Variants in CSMD1 observed in about 807,000 individuals in gnomAD.
CSMD1 encodes the protein CUB and Sushi multiple domains 1.
CSMD1 carries 213 observed loss-of-function variants against 417.5 expected under a neutral mutation model. That is an observed-to-expected ratio of 0.51 (90% CI 0.46 to 0.57). The LOEUF is 0.57. Ranked by LOEUF, CSMD1 falls within the 20% of genes least tolerant of loss-of-function variation. The pLI is 0.00. For synonymous variants in CSMD1, 2,862 were observed against 1,736.8 expected, an observed-to-expected ratio of 1.65 and a Z score of -16.11; for missense variants, 6,923 against 4,529.7, an observed-to-expected ratio of 1.53 and a Z score of -15.17.
At chr8:3,203,609 C>T (rs998324316) in intron 31 of CSMD1, among the ~76,000 whole-genome samples, 5 of 152,060 alleles carry the variant, frequency 3.3e-5, no homozygotes, top group South Asian at 4.1e-4. Flanking sequence ...GCTAACACTC[C>T]GTGGATAAAA....
chr8:4,035,211 T>G (rs1256090353), intron 3 of CSMD1, among the ~76,000 whole-genome samples: 1 of 152,168 alleles, frequency 6.6e-6, no homozygotes, highest in Non-Finnish European at 1.5e-5. Context: ...CCAGCTATGA[T>G]GCACGTGTCT....
At chr8:3,467,629 G>C (rs1438156668) in intron 12 of CSMD1, among the ~76,000 whole-genome samples, 1 of 152,142 alleles carries the variant, frequency 6.6e-6, no homozygotes, top group South Asian at 2.1e-4. Context: ...TTTATGCTTT[G>C]TAGATGAGGA....
intron 18 of CSMD1, among the ~76,000 whole-genome samples, chr8:3,385,031 A>T (rs61375182): frequency 5.0e-5 from 4 of 79,838 alleles, no homozygotes; most frequent in African/African-American, 9.8e-5. Context: ...TATAAATATA[A>T]TATATATAAT....
intron 11 of CSMD1, among the ~76,000 whole-genome samples, chr8:3,479,131 T>A (rs77778020): frequency 6.6e-6 from 1 of 151,970 alleles, no homozygotes; most frequent in African/African-American, 2.4e-5. Context: ...AAGTAAACCC[T>A]TGAAGCCTCC....
chr8:3,467,904 T>C (rs1563067430), intron 12 of CSMD1, among the ~76,000 whole-genome samples: 2 of 152,220 alleles, frequency 1.3e-5, no homozygotes. Flanking sequence ...ACATACTGCC[T>C]ATTTACTCAA....
intron 39 of CSMD1, among the ~76,000 whole-genome samples, chr8:3,157,454 T>C (rs1162364297): frequency 2.0e-5 from 3 of 152,222 alleles, no homozygotes; most frequent in Non-Finnish European, 4.4e-5. Context: ...CACCAGGCTG[T>C]TTCCAACATG....
intron 3 of CSMD1, among the ~76,000 whole-genome samples, chr8:4,402,210 G>A (rs529638429): frequency 2.6e-5 from 4 of 152,074 alleles, no homozygotes; most frequent in Non-Finnish European, 5.9e-5. Flanking sequence ...GACATCCCAT[G>A]CTCTTATCTC....
At chr8:3,418,450 G>A (rs954151901) in intron 12 of CSMD1, among the ~76,000 whole-genome samples, 1 of 152,128 alleles carries the variant, frequency 6.6e-6, no homozygotes, top group Non-Finnish European at 1.5e-5. Context: ...CACTTACTGG[G>A]AAAGCAACAA....
chr8:3,670,347 G>T (rs553739519), intron 7 of CSMD1, among the ~76,000 whole-genome samples: 1 of 151,850 alleles, frequency 6.6e-6, no homozygotes, highest in Admixed American at 6.6e-5. Flanking sequence ...TCTGTTTTGG[G>T]ACTCGGGCTG....
intron 1 of CSMD1, among the ~76,000 whole-genome samples, chr8:4,644,808 C>G (rs1157368552): frequency 6.6e-6 from 1 of 152,230 alleles, no homozygotes; most frequent in South Asian, 2.1e-4. Context: ...AAATGTAAAC[C>G]TTCCAAGAGT....
At position 3,043,013 on chromosome 8, in the gene CSMD1, C is replaced by T. The variant is rs767454746; in HGVS notation, c.7660+9449G>A. ...TCACTATAGCGATAGGTTTCTATGA[C>T]CTATAAATACTAGATATGACCTAGT... is the stretch of plus-strand genomic sequence containing the variant. On this transcript the variant is annotated intron_variant, in intron 50 of 69. Coordinates refer to ENST00000635120, the MANE Select transcript of CSMD1 (RefSeq NM_033225.6). Among the ~76,000 whole-genome samples, 48 of 149,632 alleles carry T rather than the reference C, an allele frequency of 3.2e-4. 1 individual carries two copies. Among genetic ancestry groups the T allele is most frequent in the Admixed American group, 2.7e-3 (40 of 14,980 alleles).
intron 7 of CSMD1, among the ~76,000 whole-genome samples, chr8:3,680,868 G>A (rs1185919989): frequency 6.6e-6 from 1 of 152,200 alleles, no homozygotes; most frequent in Non-Finnish European, 1.5e-5. Context: ...TCCCTGGGAT[G>A]CAAGGCTGGT....
intron 3 of CSMD1, among the ~76,000 whole-genome samples, chr8:4,269,402 T>C (rs1221166199): frequency 6.6e-6 from 1 of 152,154 alleles, no homozygotes; most frequent in African/African-American, 2.4e-5. Flanking sequence ...ACCACACTCC[T>C]AAGGCTGTGT....
intron 3 of CSMD1, among the ~76,000 whole-genome samples, chr8:4,157,052 G>A (rs935849904): frequency 3.9e-5 from 6 of 152,180 alleles, no homozygotes; most frequent in South Asian, 2.1e-4. Context: ...CAAGGAGCCT[G>A]TAGACCAGAA....
chr8:3,347,128 G>C (rs568270847), intron 22 of CSMD1, among the ~76,000 whole-genome samples: 5 of 152,240 alleles, frequency 3.3e-5, no homozygotes, highest in African/African-American at 1.2e-4. Flanking sequence ...TTACGAATTT[G>C]TGTTGGGCCA....
intron 4 of CSMD1, among the ~76,000 whole-genome samples, chr8:4,021,049 T>C (rs1426464754): frequency 6.6e-6 from 1 of 152,182 alleles, no homozygotes; most frequent in African/African-American, 2.4e-5. Flanking sequence ...TAAAACCCAG[T>C]GACAGCATCA....
chr8:3,434,904 T>C (rs761153247), intron 12 of CSMD1, among the ~76,000 whole-genome samples: 3 of 152,152 alleles, frequency 2.0e-5, no homozygotes, highest in Non-Finnish European at 2.9e-5. Flanking sequence ...ATACTTGTGA[T>C]TGGTTTAAGT....
At position 4,920,200 on chromosome 8, in the gene CSMD1, A is replaced by G. The variant is rs560656624; in HGVS notation, c.85+74132T>C. Among the ~76,000 whole-genome samples the G allele has an allele frequency of 6.9e-4, 105 of 152,258 alleles. 4 individuals carry two copies. The South Asian group carries it at 0.021, about 30-fold the overall frequency. On this transcript the variant is annotated intron_variant, in intron 1 of 69. Transcript: ENST00000635120. ...TTTTCTAAGAGTCTTATGCTAATGA[A>G]CCAAACAGGACAGGATCTTCACCCC...
chr8:4,918,128 C>T (rs535629333), intron 1 of CSMD1, among the ~76,000 whole-genome samples: 37 of 152,154 alleles, frequency 2.4e-4, no homozygotes, highest in African/African-American at 8.7e-4. Context: ...CAAAACTGCC[C>T]CCTGAAAAAT....
Sources: allele counts gnomAD v4.1 joint callset (sites outside exome capture counted in the v4.1 genomes callset), GRCh38; gene constraint gnomAD v4.1.1; transcripts MANE v1.5; gene names NCBI Gene and HGNC (gene_info 2026-07-23, HGNC 2026-07-21).